Variants in MEFV observed in about 807,000 individuals in gnomAD.
The protein encoded by MEFV is MEFV innate immunity regulator, pyrin.
MEFV carries 60 observed loss-of-function variants against 62.5 expected under a neutral mutation model. That is an observed-to-expected ratio of 0.96 (90% CI 0.78 to 1.19). The LOEUF is 1.19. Ranked by LOEUF, MEFV falls within the 50% of genes most tolerant of loss-of-function variation. MEFV has a pLI of 0.00. For missense variants in MEFV, 1,169 were observed against 1,004.5 expected (o/e 1.16, Z -2.21); for synonymous variants, 500 against 415.2 (o/e 1.20, Z -2.48).
rs1323613806 is a variant in MEFV, at chr16:3,256,256, C to T, written c.277+55G>A. 5 of 1,592,294 alleles carry T rather than the reference C, an allele frequency of 3.1e-6. No homozygotes were observed. In the Admixed American group the frequency reaches 5.3e-5, roughly 17 times the overall value. ...TGCTCTGAGCTCCTGGTCCCCTTTCCCACAAAGCAGCCAGCACTCAGCACT... is the reference window on the plus strand; with the variant it reads ...TGCTCTGAGCTCCTGGTCCCCTTTCTCACAAAGCAGCCAGCACTCAGCACT... On this transcript the variant is annotated intron_variant, in intron 1 of 9. Coordinates refer to ENST00000219596, the MANE Select transcript of MEFV (RefSeq NM_000243.3).
Position 3,242,994 on chromosome 16 carries a change from A to T in MEFV, c.*147T>A. 1.2e-6 allele frequency: 1 copy of T among 858,432 alleles called. No individual in the cohort carries two copies. The highest frequency in any genetic ancestry group is 2.1e-5 in the Admixed American group (1 of 48,530). The allele number at this position is 858,432 out of a possible 1,614,324, so 53.2% of individuals were successfully genotyped here. A position where few individuals can be genotyped will look rare whatever the true frequency, so the allele number is the denominator to read the frequency against. ...TTCGTTCCTAACTTACCTCTGCTAT[A>T]ATCGGGTAGGCTCCGTGGGCACAGT... On this transcript the variant is annotated 3_prime_UTR_variant, in exon 10 of 10. Coordinates refer to ENST00000219596, the MANE Select transcript of MEFV (RefSeq NM_000243.3).
chr16:3,244,534 T>G lies in MEFV; in HGVS notation c.1665A>C (p.Gln555His). 2 of 1,614,162 alleles carry G rather than the reference T, an allele frequency of 1.2e-6. No homozygotes were observed. The highest frequency in any genetic ancestry group is 2.2e-5 in the South Asian group (2 of 91,082). Residue 555 changes from glutamine (Q) to histidine (H), a missense_variant, in exon 7 of 10, where the codon CAA becomes CAC. Gln to His is a conservative substitution (Grantham distance 24). Coordinates refer to ENST00000219596, the MANE Select transcript of MEFV (RefSeq NM_000243.3). Reference protein sequence around the residue: ...EKWTTPQEIKQKIQLLHQKSE... With the variant: ...EKWTTPQEIKHKIQLLHQKSE... ...ACTTCTGGTGGAGGAGTTGGATCTT[T>G]TGTTTTATCTCTTGAGGAGTGGTCC...
intron 5 of MEFV, 78 bp downstream of exon 5, chr16:3,246,938 G>T: frequency 7.2e-7 from 1 of 1,382,192 alleles, no homozygotes; most frequent in Non-Finnish European, 1.0e-6. Flanking sequence ...TTCCAGCACG[G>T]CTGATGGCAG....
In MEFV at chr16:3,254,475, T is replaced by C. The variant is rs931450966; in HGVS notation, c.593A>G (p.Gln198Arg). The change falls in exon 2 of 10, where the codon CAG (glutamine) becomes CGG (arginine). Residue 198 changes from glutamine (Q) to arginine (R), a missense_variant. Transcript: ENST00000219596. ...PGPCRALEGGQAEVRLRRNAS... is the reference protein window; with the variant it reads ...PGPCRALEGGRAEVRLRRNAS... ...GTTTCTGCGCAGCCGGACCTCGGCC[T>C]GGCCCCCCTCTAGCGCCCTGCAGGG... 1 of 1,596,794 alleles carries C rather than the reference T, an allele frequency of 6.3e-7. No homozygotes were observed. Among genetic ancestry groups the C allele is most frequent in the Non-Finnish European group, 8.5e-7 (1 of 1,172,846 alleles).
chr16:3,252,819 G>A (rs1567236341), intron 2 of MEFV, among the ~76,000 whole-genome samples: 2 of 151,102 alleles, frequency 1.3e-5, no homozygotes, highest in African/African-American at 2.4e-5. Context: ...GTGTGGTGGT[G>A]AGCACCTATA....
Position 3,254,691 on chromosome 16 carries a change from C to A in MEFV, c.377G>T (p.Gly126Val), listed in dbSNP as rs1390689550. The change falls in exon 2 of 10, where the codon GGG becomes GTG. Residue 126 changes from glycine to valine, a missense_variant. Physicochemically the swap from Gly to Val is moderately radical, Grantham distance 109. Coordinates refer to ENST00000219596, the MANE Select transcript of MEFV (RefSeq NM_000243.3). ...RSLKTPDHPE[G>V]NEGNGPRPYG... Reference sequence around the variant, plus strand: ...CGGCCGAGGGCCGTTCCCCTCGTTCCCCTCGGGGTGGTCTGGAGTCTTCAG... The same window carrying A: ...CGGCCGAGGGCCGTTCCCCTCGTTCACCTCGGGGTGGTCTGGAGTCTTCAG... 2 of 1,612,640 alleles carry A rather than the reference C, an allele frequency of 1.2e-6. No individual in the cohort carries two copies. The highest frequency in any genetic ancestry group is 4.5e-5 in the East Asian group (2 of 44,878).
At chr16:3,253,839 T>C (rs1332628791) in intron 2 of MEFV, among the ~76,000 whole-genome samples, 1 of 152,154 alleles carries the variant, frequency 6.6e-6, no homozygotes, top group Non-Finnish European at 1.5e-5. Flanking sequence ...TTTGTAGAGA[T>C]GGGGTCTCAC....
chr16:3,254,704 C>G lies in MEFV; in HGVS notation c.364G>C (p.Asp122His). Residue 122 changes from aspartate to histidine, a missense_variant, in exon 2 of 10, where the codon GAC becomes CAC. Transcript: ENST00000219596. ...ENKPRSLKTP[D>H]HPEGNEGNGP... is the part of the protein sequence containing the mutation. ...TTCCCCTCGTTCCCCTCGGGGTGGT[C>G]TGGAGTCTTCAGGCTCCTGGGCTTG... 1 of 1,612,788 alleles carries G rather than the reference C, an allele frequency of 6.2e-7. No homozygotes were observed. Among genetic ancestry groups the G allele is most frequent in the Non-Finnish European group, 8.5e-7 (1 of 1,179,992 alleles).
chr16:3,251,176 G>A (rs547456130), intron 2 of MEFV, among the ~76,000 whole-genome samples: 79 of 152,068 alleles, frequency 5.2e-4, no homozygotes, highest in Middle Eastern at 3.4e-3. Flanking sequence ...TCCTTCTCTC[G>A]TGATAGAATT....
At chr16:3,248,559 C>A (rs1431745773) in intron 4 of MEFV, 1 of 374,484 alleles carries the variant, frequency 2.7e-6, no homozygotes. Flanking sequence ...CACTGCACTA[C>A]AACCTGGGTG....
At chr16:3,250,664 T>C (rs1472377989) in intron 2 of MEFV, among the ~76,000 whole-genome samples, 1 of 151,662 alleles carries the variant, frequency 6.6e-6, no homozygotes, top group Non-Finnish European at 1.5e-5. Context: ...CTAACAGTTA[T>C]GAATAGCTCT....
chr16:3,249,292 T>A (rs1958994281), intron 3 of MEFV, 139 bp downstream of exon 3: 3 of 816,130 alleles, frequency 3.7e-6, no homozygotes, highest in Non-Finnish European at 6.0e-6. Flanking sequence ...GCTGGACTGG[T>A]TTATATTGTG....
intron 2 of MEFV, among the ~76,000 whole-genome samples, chr16:3,251,797 G>T (rs1156557670): frequency 6.6e-6 from 1 of 152,142 alleles, no homozygotes; most frequent in Non-Finnish European, 1.5e-5. Context: ...TCTTCAGAGT[G>T]TCCAAGAACT....
At position 3,247,338 on chromosome 16, in the gene MEFV, G is replaced by A. The variant is rs934867720; in HGVS notation, c.1357-92C>T. On this transcript the variant is annotated intron_variant, in intron 4 of 9. Coordinates refer to ENST00000219596, the MANE Select transcript of MEFV (RefSeq NM_000243.3). Reference sequence around the variant, plus strand: ...CCCAGAAGCCCACCTCCTGGAGGTGGATAAGAGGTGGGCTTATGCTGCCTC... The same window carrying A: ...CCCAGAAGCCCACCTCCTGGAGGTGAATAAGAGGTGGGCTTATGCTGCCTC... 6.4e-6 allele frequency: 7 copies of A among 1,092,416 alleles called. No homozygotes were observed. In the South Asian group the frequency reaches 9.0e-5, roughly 14 times the overall value. The allele number at this position is 1,092,416 out of a possible 1,614,324, so 67.7% of individuals were successfully genotyped here.
chr16:3,251,214 C>G lies in MEFV; in HGVS notation c.911-1434G>C, dbSNP rs144368351. Among the ~76,000 whole-genome samples, 5 of 152,210 alleles carry G rather than the reference C, an allele frequency of 3.3e-5. No individual in the cohort carries two copies. In the East Asian group the frequency reaches 9.6e-4, roughly 29 times the overall value. ...TTGTCCACGTTTCCCTGTTTCCCTG[C>G]CTCCCATTGCCCCCCAAATGCCCTG... On this transcript the variant is annotated intron_variant, in intron 2 of 9. Coordinates refer to ENST00000219596, the MANE Select transcript of MEFV (RefSeq NM_000243.3).
intron 3 of MEFV, 52 bp downstream of exon 3, chr16:3,249,379 C>G (rs1958995760): frequency 6.6e-7 from 1 of 1,504,976 alleles, no homozygotes; most frequent in African/African-American, 1.4e-5. Flanking sequence ...AAGTAAGGCC[C>G]AGTGTGTCCA....
At chr16:3,244,979 A>G (rs1463869759) in intron 6 of MEFV, among the ~76,000 whole-genome samples, 1 of 152,232 alleles carries the variant, frequency 6.6e-6, no homozygotes, top group Non-Finnish European at 1.5e-5. Flanking sequence ...TGGCTATTAT[A>G]AAAACAGCAA....
At chr16:3,246,830 G>A (rs372938039) in intron 5 of MEFV, among the ~76,000 whole-genome samples, 186 bp downstream of exon 5, 51 of 152,312 alleles carry the variant, frequency 3.3e-4, no homozygotes, top group African/African-American at 1.1e-3. Flanking sequence ...GCCACCCTGG[G>A]CTCCTGAGAG....
At position 3,254,653 on chromosome 16, in the gene MEFV, C is replaced by A. The variant is rs767981482; in HGVS notation, c.415G>T (p.Ala139Ser). ...GNGPRPYGGG[A>S]ASLRCSQPEA... ...GGCTGGCTGCACCGCAGGCTGGCAG[C>A]TCCGCCCCCGTACGGCCGAGGGCCG... The change falls in exon 2 of 10, where the codon GCT becomes TCT. Residue 139 changes from alanine to serine, a missense_variant. Transcript: ENST00000219596. The A allele has an allele frequency of 9.3e-6, 15 of 1,609,064 alleles. No individual in the cohort carries two copies. In the African/African-American group the frequency reaches 2.0e-4, roughly 21 times the overall value.
Sources: allele counts gnomAD v4.1 joint callset (sites outside exome capture counted in the v4.1 genomes callset), GRCh38; gene constraint gnomAD v4.1.1; transcripts MANE v1.5; gene names NCBI Gene and HGNC (gene_info 2026-07-23, HGNC 2026-07-21).